Variants in CECR2 observed in about 807,000 individuals in gnomAD.
The protein encoded by CECR2 is chromatin remodeling regulator CECR2.
Under a neutral mutation model 154.5 loss-of-function variants are expected in CECR2, and 30 were observed. The observed-to-expected ratio is 0.19, with a 90% CI of 0.15 to 0.26. CECR2 has a LOEUF of 0.26. CECR2 is among the 10% of genes least tolerant of loss of function. The probability of loss-of-function intolerance (pLI) is 1.00; values close to 1 mark genes in which losing one functional copy is unlikely to be tolerated. For synonymous variants in CECR2, 725 were observed against 683.7 expected, an observed-to-expected ratio of 1.06 and a Z score of -0.94; for missense variants, 1,743 against 1,829.3, an observed-to-expected ratio of 0.95 and a Z score of 0.86.
chr22:17,457,620 G>T (rs190294141), intron 1 of CECR2, among the ~76,000 whole-genome samples: 72 of 152,304 alleles, frequency 4.7e-4, no homozygotes, highest in African/African-American at 1.7e-3. Flanking sequence ...GTAAACATTT[G>T]TTAAGTATAA....
intron 1 of CECR2, among the ~76,000 whole-genome samples, chr22:17,386,862 G>T (rs2063268936): frequency 1.3e-5 from 2 of 152,136 alleles, no homozygotes; most frequent in African/African-American, 2.4e-5. Context: ...TATTGGTCAG[G>T]CTGGTCTCGA....
Position 17,548,453 on chromosome 22 carries a change from G to C in CECR2, c.3166G>C (p.Gly1056Arg). 6.2e-7 allele frequency: 1 copy of C among 1,614,022 alleles called. No individual in the cohort carries two copies. Among genetic ancestry groups the C allele is most frequent in the South Asian group, 1.1e-5 (1 of 91,086 alleles). ...AGACAGGGGCGCTCTATCCGAGAAC[G>C]GAGTCATTGGGGAAGCATCTCCTTG... ...VADRGALSEN[G>R]VIGEASPCGS... Residue 1056 changes from glycine (G) to arginine (R), a missense_variant, in exon 17 of 19, where the codon GGA (glycine) becomes CGA (arginine). This residue lies in a region of CECR2 where 1,250 missense variants were observed against 1,192.1 expected (regional missense o/e 1.05). Transcript: ENST00000262608.
intron 5 of CECR2, among the ~76,000 whole-genome samples, chr22:17,502,027 T>C (rs925398711): frequency 6.6e-6 from 1 of 152,200 alleles, no homozygotes; most frequent in Non-Finnish European, 1.5e-5. Flanking sequence ...ATATAGAACA[T>C]TTTCATTCTC....
chr22:17,444,074 G>T (rs2054622586), intron 1 of CECR2, among the ~76,000 whole-genome samples: 1 of 152,160 alleles, frequency 6.6e-6, no homozygotes, highest in African/African-American at 2.4e-5. Flanking sequence ...CACTTGGCTG[G>T]TCGGACTGGC....
rs2055960551 is a variant in CECR2 at position 17,511,809 on chromosome 22, A to G, written c.871-4A>G. ...TCCTTTCTCTTCTTCACTTCTAACT[A>G]TAGGGAAAACGTCCACAGCGCACAA... On this transcript the variant is annotated splice_region_variant and splice_polypyrimidine_tract_variant and intron_variant, in intron 7 of 18. Coordinates refer to ENST00000262608, the MANE Select transcript of CECR2 (RefSeq NM_001290047.2). 2 of 1,610,406 alleles carry G rather than the reference A, an allele frequency of 1.2e-6. No individual in the cohort carries two copies. Among genetic ancestry groups the G allele is most frequent in the Non-Finnish European group, 1.7e-6 (2 of 1,177,956 alleles).
chr22:17,438,844 C>T (rs748172448), intron 1 of CECR2, among the ~76,000 whole-genome samples: 8 of 151,576 alleles, frequency 5.3e-5, no homozygotes, highest in Non-Finnish European at 7.4e-5. Context: ...AAATTGTAAT[C>T]GCTAAGAAAA....
In CECR2 at chr22:17,497,514, C is replaced by T. The variant is rs756489464; in HGVS notation, c.333C>T (p.Arg111=). The change falls in exon 3 of 19, where the codon CGC becomes CGT. Residue 111 remains arginine, a synonymous_variant. Transcript: ENST00000262608. The part of the protein sequence containing the change: ...REASFQDLPL[R]TRVEILHRLC... ...CCAGTTTCCAGGACCTGCCTCTTCG[C>T]ACACGGGTGGAGATCCTGCACCGAC... The T allele has an allele frequency of 1.9e-5, 30 of 1,613,840 alleles. No homozygotes were observed. The highest frequency in any genetic ancestry group is 2.4e-5 in the Non-Finnish European group (28 of 1,179,882).
intron 1 of CECR2, among the ~76,000 whole-genome samples, chr22:17,427,943 A>G (rs1039373359): frequency 6.6e-6 from 1 of 152,154 alleles, no homozygotes; most frequent in Non-Finnish European, 1.5e-5. Context: ...ACTCCCACCA[A>G]TGGTGTAAAA....
intron 2 of CECR2, among the ~76,000 whole-genome samples, chr22:17,483,129 G>A (rs2055358081): frequency 6.6e-6 from 1 of 152,258 alleles, no homozygotes; most frequent in African/African-American, 2.4e-5. Flanking sequence ...ATGTCGAGGT[G>A]GAAGACAGTA....
At chr22:17,481,565 G>C (rs2055319140) in intron 2 of CECR2, among the ~76,000 whole-genome samples, 1 of 152,116 alleles carries the variant, frequency 6.6e-6, no homozygotes. Flanking sequence ...GTTGTGGTTT[G>C]CATGTTTTAG....
chr22:17,462,227 A>C (rs1407975244), intron 1 of CECR2, among the ~76,000 whole-genome samples: 6 of 151,038 alleles, frequency 4.0e-5, no homozygotes, highest in Non-Finnish European at 8.9e-5. Flanking sequence ...ATACGGTGAA[A>C]CCCTGTCTCT....
At chr22:17,375,515 GAGAC>G (rs1194436573) in intron 1 of CECR2, among the ~76,000 whole-genome samples, 5 of 152,182 alleles carry the variant, frequency 3.3e-5, no homozygotes, top group African/African-American at 7.2e-5. Context: ...TTAGTGCAAT[GAGAC>G]AGACAATGTA....
chr22:17,538,410 A>G, intron 10 of CECR2, 110 bp from the exon 11 acceptor site: 2 of 938,984 alleles, frequency 2.1e-6, no homozygotes, highest in East Asian at 4.8e-5. Flanking sequence ...CCACACTATT[A>G]GGACTATTCC....
intron 17 of CECR2, among the ~76,000 whole-genome samples, chr22:17,550,974 A>G (rs2056700018): frequency 6.6e-6 from 1 of 152,162 alleles, no homozygotes; most frequent in South Asian, 2.1e-4. Flanking sequence ...TAGTCTTGAA[A>G]CCAGTACCAT....
chr22:17,530,673 T>TC (rs967096608), intron 9 of CECR2, among the ~76,000 whole-genome samples: 4 of 144,790 alleles, frequency 2.8e-5, no homozygotes, highest in Non-Finnish European at 6.0e-5. Context: ...CGAGACTCTG[T>TC]CCCCCTCAAA....
intron 1 of CECR2, among the ~76,000 whole-genome samples, chr22:17,399,064 A>T (rs2053854349): frequency 6.6e-6 from 1 of 152,196 alleles, no homozygotes; most frequent in South Asian, 2.1e-4. Flanking sequence ...GCATTTGAGC[A>T]AGGTTCCCAG....
At chr22:17,550,124 A>G (rs572333839) in intron 17 of CECR2, 1 of 150,978 alleles carries the variant, frequency 6.6e-6, no homozygotes, top group East Asian at 1.9e-4. Context: ...AGATTTTGAT[A>G]TTGTAAACTT....
chr22:17,480,183 A>G (rs1035410415), intron 2 of CECR2, among the ~76,000 whole-genome samples: 4 of 151,900 alleles, frequency 2.6e-5, no homozygotes, highest in Admixed American at 1.3e-4. Flanking sequence ...ATTATTATCT[A>G]TCTCTTTTTT....
At chr22:17,361,092 G>C (rs1246776104) in intron 1 of CECR2, among the ~76,000 whole-genome samples, 1 of 152,166 alleles carries the variant, frequency 6.6e-6, no homozygotes, top group Non-Finnish European at 1.5e-5. Context: ...GAGCCCACGA[G>C]GTGGAGGTTG....
Sources: allele counts gnomAD v4.1 joint callset (sites outside exome capture counted in the v4.1 genomes callset), GRCh38; gene constraint gnomAD v4.1.1; regional missense constraint gnomAD v4.1.1; transcripts MANE v1.5; gene names NCBI Gene and HGNC (gene_info 2026-07-23, HGNC 2026-07-21).